EML5: variants seen among roughly 807,000 people sequenced by gnomAD.
EML5 encodes EMAP like 5.
Under a neutral mutation model 250.0 loss-of-function variants are expected in EML5, and 120 were observed. That is an observed-to-expected ratio of 0.48 (90% CI 0.41 to 0.56). The LOEUF (loss-of-function observed/expected upper bound fraction) is 0.56, where lower values mean the gene tolerates loss of function less well. EML5 is among the 20% of genes least tolerant of loss of function. The pLI is 0.00. For missense variants in EML5, 2,006 were observed against 2,437.6 expected (o/e 0.82, Z 3.73); for synonymous variants, 771 against 806.5 (o/e 0.96, Z 0.75).
chr14:88,654,156 T>C (rs1251565400), intron 27 of EML5, among the ~76,000 whole-genome samples: 1 of 152,192 alleles, frequency 6.6e-6, no homozygotes, highest in Non-Finnish European at 1.5e-5. Flanking sequence ...ATTGTGTCTT[T>C]TTGATTTTTC....
chr14:88,642,705 T>C (rs2140646879), intron 31 of EML5, among the ~76,000 whole-genome samples, 188 bp downstream of exon 31: 1 of 152,322 alleles, frequency 6.6e-6, no homozygotes, highest in Admixed American at 6.5e-5. Context: ...TATTATACTC[T>C]CTTAAAACTG....
In EML5 at chr14:88,705,511, G is replaced by C. The variant is rs757100339; in HGVS notation, c.1903C>G (p.Gln635Glu). 1.2e-6 allele frequency: 2 copies of C among 1,603,390 alleles called. No homozygotes were observed. The highest frequency in any genetic ancestry group is 2.2e-5 in the East Asian group (1 of 44,678). The change falls in exon 12 of 44, where the codon CAA (glutamine) becomes GAA (glutamate). Residue 635 changes from glutamine (Q) to glutamate (E), a missense_variant. Gln to Glu is a conservative substitution (Grantham distance 29). Coordinates refer to ENST00000554922, the MANE Select transcript of EML5 (RefSeq NM_183387.3). ...CGACGGTAGGTGAGCTGTGTCTCTT[G>C]TTCAATTTCAGAATCCAGTTCTGGA... ...DVPELDSEIEQETQLTYRRQV... is the reference protein window; with the variant it reads ...DVPELDSEIEEETQLTYRRQV...
rs1038027091 is a variant in EML5, at chr14:88,614,721, G to C, written c.*1097C>G. 6.6e-6 allele frequency: 1 copy of C among 152,142 alleles called. No homozygotes were observed. Among genetic ancestry groups the C allele is most frequent in the Admixed American group, 6.5e-5 (1 of 15,274 alleles). The allele number at this position is 152,142 out of a possible 1,614,324, so 9.4% of individuals were successfully genotyped here. On this transcript the variant is annotated 3_prime_UTR_variant, in exon 44 of 44. Coordinates refer to ENST00000554922, the MANE Select transcript of EML5 (RefSeq NM_183387.3). ...GTAGTGATCTTTGGCAGCATTTAAA[G>C]TGAAAAGAAATAAGGATCTAAGAAT...
In EML5 at chr14:88,616,840, A is replaced by T. The variant is rs781112285; in HGVS notation, c.5682T>A (p.His1894Gln). ...CACAGTTGACATCAGCTTTCTCAGC[A>T]TGTCTGGACCAGATTCCCAAAACCT... ...GDEVLGIWSRHAEKADVNCAC... is the reference protein window; with the variant it reads ...GDEVLGIWSRQAEKADVNCAC... Residue 1894 changes from histidine (H) to glutamine (Q), a missense_variant, in exon 42 of 44, where the codon CAT (histidine) becomes CAA (glutamine). His to Gln is a conservative substitution (Grantham distance 24). This residue lies in a region of EML5 where 405 missense variants were observed against 523.3 expected (regional missense o/e 0.77). Coordinates refer to ENST00000554922, the MANE Select transcript of EML5 (RefSeq NM_183387.3). 3 of 1,613,952 alleles carry T rather than the reference A, an allele frequency of 1.9e-6. No individual in the cohort carries two copies. In the South Asian group the frequency reaches 3.3e-5, roughly 18 times the overall value.
At chr14:88,745,177 G>T (rs1334612753) in intron 3 of EML5, among the ~76,000 whole-genome samples, 4 of 151,658 alleles carry the variant, frequency 2.6e-5, no homozygotes, top group African/African-American at 2.4e-5. Flanking sequence ...TTGTGTGTGT[G>T]TGTGTGTGTG....
intron 21 of EML5, among the ~76,000 whole-genome samples, chr14:88,667,400 G>A (rs535215901): frequency 3.9e-4 from 59 of 152,116 alleles, no homozygotes; most frequent in Non-Finnish European, 5.9e-4. Flanking sequence ...TGAGAATAGC[G>A]TAGGTCTTCT....
chr14:88,615,804 C>A lies in EML5; in HGVS notation c.*14G>T, dbSNP rs778074845. 2.8e-5 allele frequency: 45 copies of A among 1,609,142 alleles called. 1 individual carries two copies. The South Asian group carries it at 4.7e-4, about 17-fold the overall frequency. On this transcript the variant is annotated 3_prime_UTR_variant, in exon 44 of 44. Coordinates refer to ENST00000554922, the MANE Select transcript of EML5 (RefSeq NM_183387.3). ...TGGTCTCAAAGTTAATTTCTGTAGT[C>A]ATCTCAGCATCTCTCAGTGAGGTGT...
chr14:88,693,776 T>G (rs1213217502), intron 17 of EML5, among the ~76,000 whole-genome samples: 3 of 141,676 alleles, frequency 2.1e-5, no homozygotes, highest in African/African-American at 8.0e-5. Flanking sequence ...TTTTTTTTTT[T>G]TTTTTTTTTT....
intron 8 of EML5, among the ~76,000 whole-genome samples, chr14:88,719,398 A>C (rs1045299587): frequency 6.6e-6 from 1 of 152,184 alleles, no homozygotes; most frequent in African/African-American, 2.4e-5. Context: ...TCAATAAATA[A>C]AATGACAATT....
chr14:88,737,819 A>T (rs574698270), intron 6 of EML5, among the ~76,000 whole-genome samples: 2 of 152,342 alleles, frequency 1.3e-5, no homozygotes, highest in Admixed American at 1.3e-4. Context: ...AGCCAGTCTT[A>T]TAACACTTCA....
chr14:88,687,670 G>T (rs549592298), intron 18 of EML5, among the ~76,000 whole-genome samples: 11 of 84,702 alleles, frequency 1.3e-4, no homozygotes, highest in African/African-American at 1.9e-4. Context: ...AACAAAAATG[G>T]TAACTACCTG....
At chr14:88,678,946 T>A (rs4899959) in intron 21 of EML5, among the ~76,000 whole-genome samples, 1 of 151,972 alleles carries the variant, frequency 6.6e-6, no homozygotes, top group Non-Finnish European at 1.5e-5. Context: ...GGCAGAGCTA[T>A]GCTCCGTTGT....
intron 1 of EML5, among the ~76,000 whole-genome samples, chr14:88,779,681 T>C (rs1012938059): frequency 2.0e-5 from 3 of 152,224 alleles, no homozygotes; most frequent in African/African-American, 7.2e-5. Flanking sequence ...CAAGATATTC[T>C]AGGCGCAAAC....
intron 14 of EML5, among the ~76,000 whole-genome samples, chr14:88,698,540 C>CA (rs1259516985): frequency 3.3e-5 from 5 of 152,154 alleles, no homozygotes; most frequent in Admixed American, 2.6e-4. Flanking sequence ...GCTAGGATTA[C>CA]AGGCATGAGC....
intron 27 of EML5, among the ~76,000 whole-genome samples, chr14:88,650,968 C>A (rs1348932387): frequency 6.6e-6 from 1 of 152,030 alleles, no homozygotes; most frequent in Non-Finnish European, 1.5e-5. Context: ...TGCTTTATTT[C>A]ATATTTATGA....
rs1415942256 is a variant in EML5, at chr14:88,747,836, A to T, written c.358-1553T>A. Reference sequence around the variant, plus strand: ...TATGAGAGAGGTTTAAAAACACAAAAGATGGACTTCTAGCCATGAAGGAGT... The same window carrying T: ...TATGAGAGAGGTTTAAAAACACAAATGATGGACTTCTAGCCATGAAGGAGT... On this transcript the variant is annotated intron_variant, in intron 2 of 43. Transcript: ENST00000554922. Among the ~76,000 whole-genome samples the T allele has an allele frequency of 2.6e-5, 4 of 152,232 alleles. No homozygotes were observed. In the South Asian group the frequency reaches 6.2e-4, roughly 24 times the overall value.
intron 7 of EML5, among the ~76,000 whole-genome samples, chr14:88,731,727 C>T (rs2093761434): frequency 6.6e-6 from 1 of 152,136 alleles, no homozygotes; most frequent in South Asian, 2.1e-4. Flanking sequence ...CTCTCCAGCA[C>T]CTGTTGTTTC....
rs1323393575 is a variant in EML5, at chr14:88,613,105, TC to T, written c.*2712del. ...TCTACTGTTGTGTTGCCATTGCTTT[TC>T]CATTGGGAGAAGAAAGAATTAACCA... On this transcript the variant is annotated 3_prime_UTR_variant, in exon 44 of 44. Coordinates refer to ENST00000554922, the MANE Select transcript of EML5 (RefSeq NM_183387.3). 1.3e-5 allele frequency: 2 copies of T among 152,410 alleles called. No individual in the cohort carries two copies. The highest frequency in any genetic ancestry group is 4.8e-5 in the African/African-American group (2 of 41,454). 9.4% of individuals were successfully genotyped at this position (152,410 alleles called of 1,614,324 possible).
intron 7 of EML5, 89 bp downstream of exon 7, chr14:88,736,275 G>A (rs984358800): frequency 5.3e-5 from 76 of 1,444,022 alleles, no homozygotes; most frequent in Admixed American, 4.5e-4. Flanking sequence ...CTGGGATTAC[G>A]GGCGTGAGCC....
Sources: allele counts gnomAD v4.1 joint callset (sites outside exome capture counted in the v4.1 genomes callset), GRCh38; gene constraint gnomAD v4.1.1; regional missense constraint gnomAD v4.1.1; transcripts MANE v1.5; gene names NCBI Gene and HGNC (gene_info 2026-07-23, HGNC 2026-07-21).